Variants in DPF3 observed in about 807,000 individuals in gnomAD.
The protein encoded by DPF3 is double PHD fingers 3, also known as zinc finger protein DPF3.
In DPF3, 18 loss-of-function variants were observed where a neutral mutation model predicts 56.8. That is an observed-to-expected ratio of 0.32 (90% CI 0.22 to 0.47). DPF3 has a LOEUF of 0.47. DPF3 is among the 20% of genes least tolerant of loss of function. DPF3 has a pLI of 1.00. For missense variants in DPF3, 403 were observed against 488.8 expected, an observed-to-expected ratio of 0.82 and a Z score of 1.65; for synonymous variants, 188 against 180.2, an observed-to-expected ratio of 1.04 and a Z score of -0.35.
At position 72,818,997 on chromosome 14, in the gene DPF3, T is replaced by C. The variant is rs1040833904; in HGVS notation, c.33-47104A>G. On this transcript the variant is annotated intron_variant, in intron 1 of 10. Transcript: ENST00000556509. ...TGACAAAGGATCTATATCCAGAATA[T>C]ATAAAGAACTCTAGCAATTTAGTAA... 2.0e-5 allele frequency among the ~76,000 whole-genome samples: 3 copies of C among 152,242 alleles called. No homozygotes were observed. In the South Asian group the frequency reaches 6.2e-4, roughly 32 times the overall value.
At chr14:72,810,789 C>T (rs1883010845) in intron 1 of DPF3, among the ~76,000 whole-genome samples, 1 of 152,130 alleles carries the variant, frequency 6.6e-6, no homozygotes, top group Non-Finnish European at 1.5e-5. Context: ...CTCAGAAGAC[C>T]CCAGACTGTC....
At chr14:72,628,636 AAG>A (rs148707360) in intron 9 of DPF3, among the ~76,000 whole-genome samples, 303 of 148,156 alleles carry the variant, frequency 2.0e-3, no homozygotes, top group Admixed American at 2.3e-3. Flanking sequence ...GTCTTGCCAA[AAG>A]AGAGAGAGAG....
At chr14:72,838,909 T>A (rs1411020277) in intron 1 of DPF3, among the ~76,000 whole-genome samples, 104 of 7,644 alleles carry the variant, frequency 0.014, 6 homozygotes, top group East Asian at 0.068. Context: ...ATATATATTC[T>A]TTTTTTTTTT....
chr14:72,623,971 T>C (rs1176757503), intron 9 of DPF3, among the ~76,000 whole-genome samples: 1 of 152,198 alleles, frequency 6.6e-6, no homozygotes, highest in African/African-American at 2.4e-5. Context: ...TCAAAAGGAC[T>C]CAGGATCCAA....
intron 8 of DPF3, among the ~76,000 whole-genome samples, chr14:72,657,641 A>C (rs992984428): frequency 5.9e-5 from 9 of 151,658 alleles, no homozygotes; most frequent in East Asian, 1.9e-4. Flanking sequence ...CACCACCACC[A>C]CCCCCAACTG....
chr14:72,785,290 T>A lies in DPF3; in HGVS notation c.33-13397A>T, dbSNP rs750548638. Among the ~76,000 whole-genome samples, 9 of 152,254 alleles carry A rather than the reference T, an allele frequency of 5.9e-5. No homozygotes were observed. The East Asian group carries it at 9.6e-4, about 16-fold the overall frequency. ...TGTTCTAAGCACTTTACATGTATTA[T>A]CCCCATACAACTTGTAATTGTATTA... On this transcript the variant is annotated intron_variant, in intron 1 of 10. Coordinates refer to ENST00000556509, the MANE Select transcript of DPF3 (RefSeq NM_001280542.3).
At chr14:72,769,526 A>C (rs1388834824) in intron 2 of DPF3, among the ~76,000 whole-genome samples, 1 of 152,056 alleles carries the variant, frequency 6.6e-6, no homozygotes, top group Non-Finnish European at 1.5e-5. Context: ...CTAAAAATAC[A>C]AAAATTAGCT....
chr14:72,636,130 A>T (rs1023961524), intron 8 of DPF3, among the ~76,000 whole-genome samples: 7 of 152,248 alleles, frequency 4.6e-5, no homozygotes, highest in African/African-American at 1.7e-4. Context: ...ATTGTATTAC[A>T]TAAAATACAT....
At chr14:72,668,065 G>T (rs879728746) in intron 8 of DPF3, among the ~76,000 whole-genome samples, 1 of 152,112 alleles carries the variant, frequency 6.6e-6, no homozygotes, top group Non-Finnish European at 1.5e-5. Flanking sequence ...ATATTCCAAG[G>T]AAAGCGCCCA....
At chr14:72,737,894 C>T (rs1406737205) in intron 3 of DPF3, among the ~76,000 whole-genome samples, 1 of 151,642 alleles carries the variant, frequency 6.6e-6, no homozygotes, top group Non-Finnish European at 1.5e-5. Context: ...ATCATGAGTG[C>T]TCAATTTTTT....
intron 2 of DPF3, among the ~76,000 whole-genome samples, chr14:72,767,478 T>A (rs1036406868): frequency 6.7e-6 from 1 of 149,870 alleles, no homozygotes; most frequent in East Asian, 2.0e-4. Context: ...CTGAAAAAAA[T>A]TGTAACAAAA....
At chr14:72,669,621 C>T (rs1322278475) in intron 8 of DPF3, among the ~76,000 whole-genome samples, 3 of 152,208 alleles carry the variant, frequency 2.0e-5, no homozygotes, top group East Asian at 3.9e-4. Flanking sequence ...CAGGTTTAGC[C>T]AAGGGAGGCA....
chr14:72,850,880 C>G (rs139215275), intron 1 of DPF3, among the ~76,000 whole-genome samples: 1 of 152,210 alleles, frequency 6.6e-6, no homozygotes, highest in Non-Finnish European at 1.5e-5. Context: ...TAGATTAACA[C>G]TCTTTCTTCT....
intron 1 of DPF3, among the ~76,000 whole-genome samples, chr14:72,803,721 C>T (rs968017605): frequency 3.3e-4 from 50 of 152,218 alleles, no homozygotes; most frequent in African/African-American, 1.0e-3. Context: ...TCAGAGTGAG[C>T]ATCCGATGAT....
chr14:72,715,989 TCA>T (rs1888908434), intron 5 of DPF3, among the ~76,000 whole-genome samples: 1 of 151,140 alleles, frequency 6.6e-6, no homozygotes, highest in African/African-American at 2.4e-5. Context: ...CCGAGGGTGG[TCA>T]CCCTCAGCTG....
chr14:72,782,791 C>G (rs1892035899), intron 1 of DPF3, among the ~76,000 whole-genome samples: 2 of 152,054 alleles, frequency 1.3e-5, no homozygotes, highest in Admixed American at 1.3e-4. Flanking sequence ...CGAGATTGCA[C>G]CACTGCACTC....
At chr14:72,708,955 G>A (rs966450283) in intron 6 of DPF3, among the ~76,000 whole-genome samples, 6 of 152,188 alleles carry the variant, frequency 3.9e-5, no homozygotes, top group South Asian at 4.1e-4. Flanking sequence ...ATCCCCTCAC[G>A]GACAAAGGAG....
intron 8 of DPF3, among the ~76,000 whole-genome samples, chr14:72,644,894 G>A (rs12434611): frequency 0.26 from 39,998 of 152,130 alleles, 6,650 homozygotes; most frequent in East Asian, 0.66. Context: ...TATGTGGCAC[G>A]TATACCACCA....
rs868061527 is a variant in DPF3 at position 72,832,330 on chromosome 14, A to T, written c.33-60437T>A. The stretch of plus-strand genomic sequence containing the variant: ...AAAAAATCACTTGGAAAAGAGTAGG[A>T]ATTCCTCCTTCAATTTCATTCAGTT... On this transcript the variant is annotated intron_variant, in intron 1 of 10. Coordinates refer to ENST00000556509, the MANE Select transcript of DPF3 (RefSeq NM_001280542.3). Among the ~76,000 whole-genome samples the T allele has an allele frequency of 2.3e-4, 35 of 152,302 alleles. No individual in the cohort carries two copies. The Middle Eastern group carries it at 0.01, about 44-fold the overall frequency.
Sources: gnomAD v4.1 joint callset for allele counts (sites outside exome capture counted in the v4.1 genomes callset) on GRCh38, gnomAD v4.1.1 for gene constraint, MANE v1.5 for transcripts, NCBI Gene and HGNC (gene_info 2026-07-23, HGNC 2026-07-21) for gene names.